CFH: variants seen among roughly 807,000 people sequenced by gnomAD.
CFH encodes complement factor H.
In CFH, 53 loss-of-function variants were observed where a neutral mutation model predicts 147.3. That is an observed-to-expected ratio of 0.36 (90% CI 0.29 to 0.45). The LOEUF (loss-of-function observed/expected upper bound fraction) is 0.45, where lower values mean the gene tolerates loss of function less well. Ranked by LOEUF, CFH falls within the 20% of genes least tolerant of loss-of-function variation. CFH has a pLI of 1.00. For synonymous variants in CFH, 536 were observed against 489.4 expected (o/e 1.10, Z -1.26); for missense variants, 1,380 against 1,498.0 (o/e 0.92, Z 1.30).
Position 196,726,605 on chromosome 1 carries a change from A to C in CFH, c.2009A>C (p.Lys670Thr), listed in dbSNP as rs1483179224. ...AGATTTCTAATGAAGGGACCTAATA[A>C]AATTCAATGTGTTGATGGAGAGTGG... ...NPRFLMKGPNKIQCVDGEWTT... is the reference protein window; with the variant it reads ...NPRFLMKGPNTIQCVDGEWTT... Residue 670 changes from lysine to threonine, a missense_variant, in exon 13 of 22, where the codon AAA (lysine) becomes ACA (threonine). Lys to Thr is a moderately conservative substitution (Grantham distance 78). This residue lies in a region of CFH where 830 missense variants were observed against 821.4 expected (regional missense o/e 1.01). Coordinates refer to ENST00000367429, the MANE Select transcript of CFH (RefSeq NM_000186.4). The C allele has an allele frequency of 1.9e-6, 3 of 1,612,092 alleles. No individual in the cohort carries two copies. The African/African-American group carries it at 4.0e-5, about 22-fold the overall frequency.
At chr1:196,673,741 T>G (rs1043432199) in intron 2 of CFH, 116 bp from the exon 3 acceptor site, 1 of 744,544 alleles carries the variant, frequency 1.3e-6, no homozygotes, top group African/African-American at 1.8e-5. Flanking sequence ...TGTTTAATTT[T>G]CCTTACATTC....
chr1:196,696,074 A>G (rs1249738592), intron 9 of CFH, among the ~76,000 whole-genome samples: 1 of 152,088 alleles, frequency 6.6e-6, no homozygotes, highest in East Asian at 1.9e-4. Flanking sequence ...CAGAAAATTA[A>G]CAAAGATATT....
rs533764346 is a variant in CFH, at chr1:196,701,806, G to A, written c.1336+11567G>A. ...AGTAACCCACAATGCAACCCTGATG[G>A]GCTGCATCTTCCAAAATTGAAAGGC... On this transcript the variant is annotated intron_variant, in intron 9 of 21. Transcript: ENST00000367429. Among the ~76,000 whole-genome samples the A allele has an allele frequency of 2.2e-3, 334 of 152,076 alleles. 2 individuals carry two copies. The highest frequency in any genetic ancestry group is 9.8e-3 in the South Asian group (47 of 4,806).
rs1239695899 is a variant in CFH at position 196,673,881 on chromosome 1, A to G, written c.269A>G (p.Asp90Gly). The change falls in exon 3 of 22, where the codon GAT (aspartate) becomes GGT (glycine). Residue 90 changes from aspartate (D) to glycine (G), a missense_variant. Physicochemically the swap from Asp to Gly is moderately conservative, Grantham distance 94 (BLOSUM62 -1). This residue lies in a region of CFH where 260 missense variants were observed against 263.3 expected (regional missense o/e 0.99). Transcript: ENST00000367429. ...GAAAGGCCCTGTGGACATCCTGGAG[A>G]TACTCCTTTTGGTACTTTTACCCTT... ...CQKRPCGHPG[D>G]TPFGTFTLTG... The G allele has an allele frequency of 2.5e-6, 4 of 1,613,232 alleles. No homozygotes were observed. The highest frequency in any genetic ancestry group is 1.7e-4 in the Middle Eastern group (1 of 6,058).
chr1:196,663,571 T>A (rs1004563916), intron 1 of CFH, among the ~76,000 whole-genome samples: 1 of 152,188 alleles, frequency 6.6e-6, no homozygotes, highest in East Asian at 1.9e-4. Context: ...CTTATGAAGT[T>A]TATGGTAACT....
chr1:196,694,779 T>C (rs1452465503), intron 9 of CFH, among the ~76,000 whole-genome samples: 7 of 152,244 alleles, frequency 4.6e-5, no homozygotes, highest in Admixed American at 4.6e-4. Flanking sequence ...TTTTCATGTA[T>C]TTGCTGACTG....
intron 15 of CFH, among the ~76,000 whole-genome samples, chr1:196,731,825 T>C (rs1669286756): frequency 6.6e-6 from 1 of 152,038 alleles, no homozygotes; most frequent in Non-Finnish European, 1.5e-5. Context: ...CACTTCCTTA[T>C]GGCCTGCAAG....
At chr1:196,690,293 G>A in intron 9 of CFH, 54 bp downstream of exon 9, 1 of 1,604,062 alleles carries the variant, frequency 6.2e-7, no homozygotes, top group Non-Finnish European at 8.5e-7. Context: ...AAGTAACATA[G>A]ATGACATTCT....
intron 1 of CFH, among the ~76,000 whole-genome samples, chr1:196,662,795 C>T (rs1208480088): frequency 6.6e-6 from 1 of 151,918 alleles, no homozygotes; most frequent in Non-Finnish European, 1.5e-5. Flanking sequence ...GGCAGGGGAC[C>T]ACTTGAGCCC....
intron 9 of CFH, among the ~76,000 whole-genome samples, chr1:196,712,604 T>C (rs1191653593): frequency 6.6e-6 from 1 of 151,058 alleles, no homozygotes; most frequent in African/African-American, 2.5e-5. Flanking sequence ...ATTTCTTTTT[T>C]TGGGTTATTA....
chr1:196,653,396 A>T (rs1403357789), intron 1 of CFH, among the ~76,000 whole-genome samples: 1 of 151,864 alleles, frequency 6.6e-6, no homozygotes, highest in African/African-American at 2.4e-5. Flanking sequence ...ACAGTTCCAG[A>T]ACAATGTCAA....
At chr1:196,699,477 A>C (rs1668387970) in intron 9 of CFH, among the ~76,000 whole-genome samples, 1 of 152,162 alleles carries the variant, frequency 6.6e-6, no homozygotes, top group Non-Finnish European at 1.5e-5. Flanking sequence ...TTTTTCTTGC[A>C]TCTGTAGCTT....
chr1:196,685,308 C>T, intron 7 of CFH, 71 bp downstream of exon 7: 1 of 1,417,136 alleles, frequency 7.1e-7, no homozygotes, highest in South Asian at 1.2e-5. Flanking sequence ...AAAATAGGGA[C>T]TCAATAAAAC....
chr1:196,686,794 A>G (rs1469829260), intron 7 of CFH, among the ~76,000 whole-genome samples: 3 of 152,098 alleles, frequency 2.0e-5, no homozygotes, highest in African/African-American at 7.2e-5. Flanking sequence ...TCAATTATTA[A>G]TGTTTGACAA....
chr1:196,691,143 A>C (rs766782276), intron 9 of CFH, among the ~76,000 whole-genome samples: 22 of 151,812 alleles, frequency 1.4e-4, no homozygotes, highest in Non-Finnish European at 3.2e-4. Context: ...TTTTTTCTCA[A>C]CTCCTATATC....
At chr1:196,707,218 T>TTCTG (rs1668610667) in intron 9 of CFH, among the ~76,000 whole-genome samples, 2 of 152,152 alleles carry the variant, frequency 1.3e-5, no homozygotes, top group Admixed American at 6.6e-5. Flanking sequence ...TGGAATAACA[T>TTCTG]TCTGTCCATT....
At chr1:196,732,905 G>C (rs568602826) in intron 15 of CFH, among the ~76,000 whole-genome samples, 1 of 152,148 alleles carries the variant, frequency 6.6e-6, no homozygotes, top group South Asian at 2.1e-4. Context: ...GCTAATACCT[G>C]TACTAATATT....
intron 1 of CFH, among the ~76,000 whole-genome samples, chr1:196,672,493 A>G (rs1165564644): frequency 6.6e-6 from 1 of 152,142 alleles, no homozygotes; most frequent in Non-Finnish European, 1.5e-5. Context: ...TGTAAATATA[A>G]TTTTTCTACC....
chr1:196,676,658 C>T (rs1667465995), intron 4 of CFH, among the ~76,000 whole-genome samples: 1 of 152,036 alleles, frequency 6.6e-6, no homozygotes, highest in African/African-American at 2.4e-5. Context: ...AAGAAATCAA[C>T]CAGAGTAGTA....
Sources: allele counts gnomAD v4.1 joint callset (sites outside exome capture counted in the v4.1 genomes callset), GRCh38; gene constraint gnomAD v4.1.1; regional missense constraint gnomAD v4.1.1; transcripts MANE v1.5; gene names NCBI Gene and HGNC (gene_info 2026-07-23, HGNC 2026-07-21).